CHRNA4: variants seen among roughly 807,000 people sequenced by gnomAD.
CHRNA4 encodes the protein neuronal acetylcholine receptor subunit alpha-4.
Under a neutral mutation model 48.9 loss-of-function variants are expected in CHRNA4, and 28 were observed. That is an observed-to-expected ratio of 0.57 (90% CI 0.42 to 0.79). The LOEUF (loss-of-function observed/expected upper bound fraction) is 0.79. CHRNA4 is among the 30% of genes least tolerant of loss of function. CHRNA4 has a pLI of 0.00. For synonymous variants in CHRNA4, 425 were observed against 402.3 expected (o/e 1.06, Z -0.68); for missense variants, 859 against 898.4 (o/e 0.96, Z 0.56).
chr20:63,359,907 G>GTGTGCGCGTGCCGGGCGTGCGC (rs2068786187), intron 1 of CHRNA4: 2 of 427,254 alleles, frequency 4.7e-6, no homozygotes, highest in South Asian at 5.0e-5. Flanking sequence ...CTGTGTGTGT[G>GTGTGCGCGTGCCGGGCGTGCGC]TGTGTGTGTG....
intron 1 of CHRNA4, chr20:63,360,188 G>A (rs1053728338): frequency 1.5e-5 from 3 of 205,414 alleles, no homozygotes; most frequent in South Asian, 1.7e-4. Context: ...AGCAAAGGAG[G>A]GAGTACAGGG....
intron 4 of CHRNA4, among the ~76,000 whole-genome samples, chr20:63,351,790 A>G (rs2068619882): frequency 6.6e-6 from 1 of 152,250 alleles, no homozygotes; most frequent in Non-Finnish European, 1.5e-5. Flanking sequence ...CCACAGGCCC[A>G]GGTGGGCAAC....
At position 63,349,930 on chromosome 20, in the gene CHRNA4, G is replaced by A; in HGVS notation, c.1481C>T (p.Pro494Leu). Residue 494 changes from proline (P) to leucine (L), a missense_variant, in exon 5 of 6, where the codon CCC (proline) becomes CTC (leucine). This residue lies in a region of CHRNA4 where 478 missense variants were observed against 455.4 expected (regional missense o/e 1.05). Coordinates refer to ENST00000370263, the MANE Select transcript of CHRNA4 (RefSeq NM_000744.7). ...CRSRSIQYCV[P>L]RDDAAPEADG... ...TGCCTCGGGGGCGGCATCGTCTCGG[G>A]GAACACAGTACTGGATGCTCCGAGA... is the stretch of plus-strand genomic sequence containing the variant. 1.3e-6 allele frequency: 2 copies of A among 1,591,112 alleles called. No homozygotes were observed. The highest frequency in any genetic ancestry group is 8.6e-7 in the Non-Finnish European group (1 of 1,168,348).
chr20:63,349,781 C>T lies in CHRNA4; in HGVS notation c.1630G>A (p.Ala544Thr), dbSNP rs540705031. 7 of 1,609,928 alleles carry T rather than the reference C, an allele frequency of 4.3e-6. No individual in the cohort carries two copies. The highest frequency in any genetic ancestry group is 1.7e-4 in the Middle Eastern group (1 of 6,052). The change falls in exon 5 of 6, where the codon GCC becomes ACC. Residue 544 changes from alanine (A) to threonine (T), a missense_variant. This residue lies in a region of CHRNA4 where 478 missense variants were observed against 455.4 expected (regional missense o/e 1.05). Coordinates refer to ENST00000370263, the MANE Select transcript of CHRNA4 (RefSeq NM_000744.7). ...TTGGTGCTGCGGGTCTTGACCGTGG[C>T]GCTCGGGGACACCGAAGAGGGCTCC... ...KKEPSSVSPS[A>T]TVKTRSTKAP...
Position 63,350,750 on chromosome 20 carries a change from T to C in CHRNA4, c.661A>G (p.Arg221Gly). Residue 221 changes from arginine to glycine, a missense_variant, in exon 5 of 6, where the codon AGG becomes GGG. Physicochemically the swap from Arg to Gly is moderately radical, Grantham distance 125 (BLOSUM62 -2). This residue lies in a region of CHRNA4 where 342 missense variants were observed against 365.3 expected (regional missense o/e 0.94). Coordinates refer to ENST00000370263, the MANE Select transcript of CHRNA4 (RefSeq NM_000744.7). Reference sequence around the variant, plus strand: ...ATCTCGGCACAGCACTCGTACTTCCTGGTGTTGTAGGTGCCCACGGCATCC... The same window carrying C: ...ATCTCGGCACAGCACTCGTACTTCCCGGTGTTGTAGGTGCCCACGGCATCC... The part of the protein sequence containing the change: ...IVDAVGTYNT[R>G]KYECCAEIYP... The C allele has an allele frequency of 1.3e-6, 2 of 1,557,878 alleles. No individual in the cohort carries two copies. The highest frequency in any genetic ancestry group is 1.7e-6 in the Non-Finnish European group (2 of 1,154,718).
rs753598324 is a variant in CHRNA4 at position 63,350,042 on chromosome 20, C to G, written c.1369G>C (p.Ala457Pro). The G allele has an allele frequency of 4.0e-6, 6 of 1,515,640 alleles. No individual in the cohort carries two copies. The African/African-American group carries it at 6.9e-5, about 17-fold the overall frequency. The allele number at this position is 1,515,640 out of a possible 1,614,324, so 93.9% of individuals were successfully genotyped here. A position where few individuals can be genotyped will look rare whatever the true frequency, so the allele number is the denominator to read the frequency against. ...GPCRPPHGTQ[A>P]PGLAKARSLS... is the part of the protein sequence containing the mutation. ...GACCTGGCTTTGGCCAGCCCTGGTGCCTGGGTGCCGTGGGGCGGGCGGCAG... is the reference window on the plus strand; with the variant it reads ...GACCTGGCTTTGGCCAGCCCTGGTGGCTGGGTGCCGTGGGGCGGGCGGCAG... Residue 457 changes from alanine to proline, a missense_variant, in exon 5 of 6, where the codon GCA (alanine) becomes CCA (proline). Physicochemically the swap from Ala to Pro is conservative, Grantham distance 27 (BLOSUM62 -1). Around this residue, in one of 3 missense-constraint regions of CHRNA4, gnomAD observed 478 missense variants for 455.4 expected, o/e 1.05. Transcript: ENST00000370263.
In CHRNA4 at chr20:63,361,080, C is replaced by T. The variant is rs2145412202; in HGVS notation, c.76+10G>A. ...GCGAAAGGGGGCCCATCCCGCGCCCCGTAACTTACCGCGCAGGAGGCCGGT... is the reference window on the plus strand; with the variant it reads ...GCGAAAGGGGGCCCATCCCGCGCCCTGTAACTTACCGCGCAGGAGGCCGGT... On this transcript the variant is annotated intron_variant, in intron 1 of 5. Coordinates refer to ENST00000370263, the MANE Select transcript of CHRNA4 (RefSeq NM_000744.7). The T allele has an allele frequency of 1.4e-6, 2 of 1,456,828 alleles. No homozygotes were observed. Among genetic ancestry groups the T allele is most frequent in the African/African-American group, 1.5e-5 (1 of 67,912 alleles). The allele number at this position is 1,456,828 out of a possible 1,614,324, so 90.2% of individuals were successfully genotyped here. A position where few individuals can be genotyped will look rare whatever the true frequency, so the allele number is the denominator to read the frequency against.
Position 63,361,209 on chromosome 20 carries a change from TC to T in CHRNA4, c.-45del. 6.9e-7 allele frequency: 1 copy of T among 1,448,496 alleles called. No homozygotes were observed. The highest frequency in any genetic ancestry group is 9.1e-7 in the Non-Finnish European group (1 of 1,103,764). 89.7% of individuals were successfully genotyped at this position (1,448,496 alleles called of 1,614,324 possible). On this transcript the variant is annotated 5_prime_UTR_variant, in exon 1 of 6. It removes the in-frame stop codon of an upstream open reading frame in the 5' UTR. Transcript: ENST00000370263. ...GCTCTAGATGCGGGCGGCTCCCGGC[TC>T]CCCGCCGCTTCGAGGCCCGTGCGCG...
At chr20:63,349,401 C>T in intron 5 of CHRNA4, 1 of 590,630 alleles carries the variant, frequency 1.7e-6, no homozygotes, top group Non-Finnish European at 3.0e-6. Context: ...CCCACTGTGT[C>T]CCAAAGCCAG....
Position 63,345,361 on chromosome 20 carries a change from C to T in CHRNA4, c.*1377G>A, listed in dbSNP as rs933249862. 23 of 444,110 alleles carry T rather than the reference C, an allele frequency of 5.2e-5. No individual in the cohort carries two copies. Among genetic ancestry groups the T allele is most frequent in the Non-Finnish European group, 7.7e-5 (17 of 220,452 alleles). 27.5% of individuals were successfully genotyped at this position (444,110 alleles called of 1,614,324 possible). On this transcript the variant is annotated 3_prime_UTR_variant, in exon 6 of 6. Transcript: ENST00000370263. The surrounding 1 kb of genome is among the most constrained non-coding windows in gnomAD (Gnocchi z 5.4). ...CGATGTCACTCACAGGCAGGGGACA[C>T]GCCATCCTGGCCCCGCCCCTCTGGG...
In CHRNA4 at chr20:63,346,610, G is replaced by T; in HGVS notation, c.*128C>A. On this transcript the variant is annotated 3_prime_UTR_variant, in exon 6 of 6. Coordinates refer to ENST00000370263, the MANE Select transcript of CHRNA4 (RefSeq NM_000744.7). ...GCCGTCTTACAGCAGACACAGAACAGGAAGGAAAATTTGGCAAACGTGTGG... is the reference window on the plus strand; with the variant it reads ...GCCGTCTTACAGCAGACACAGAACATGAAGGAAAATTTGGCAAACGTGTGG... The T allele has an allele frequency of 7.4e-7, 1 of 1,355,166 alleles. No homozygotes were observed. The highest frequency in any genetic ancestry group is 1.0e-6 in the Non-Finnish European group (1 of 984,564). The allele number at this position is 1,355,166 out of a possible 1,614,324, so 83.9% of individuals were successfully genotyped here.
intron 2 of CHRNA4, 138 bp downstream of exon 2, chr20:63,359,410 T>C (rs1655396208): frequency 2.7e-6 from 3 of 1,131,000 alleles, no homozygotes; most frequent in Non-Finnish European, 2.6e-6. Context: ...GTGGCTGTCG[T>C]TCTGACGTAC....
Position 63,349,652 on chromosome 20 carries a change from C to T in CHRNA4, c.1758+1G>A. Reference sequence around the variant, plus strand: ...CCAACACAGCCATGGGCGGGACTTACCGAGAAGTCTGTGTCTTCGGCCTTC... The same window carrying T: ...CCAACACAGCCATGGGCGGGACTTATCGAGAAGTCTGTGTCTTCGGCCTTC... On this transcript the variant is annotated splice_donor_variant, in intron 5 of 5. Transcript: ENST00000370263. LOFTEE classifies it high-confidence loss of function. 2 of 1,612,800 alleles carry T rather than the reference C, an allele frequency of 1.2e-6. No homozygotes were observed. The highest frequency in any genetic ancestry group is 1.7e-6 in the Non-Finnish European group (2 of 1,179,888).
In CHRNA4 at chr20:63,350,057, G is replaced by A. The variant is rs199914663; in HGVS notation, c.1354C>T (p.Pro452Ser). The part of the protein sequence containing the change: ...PHPSPGPCRP[P>S]HGTQAPGLAK... ...AGCCCTGGTGCCTGGGTGCCGTGGGGCGGGCGGCAGGGTCCAGGCGAGGGG... is the reference window on the plus strand; with the variant it reads ...AGCCCTGGTGCCTGGGTGCCGTGGGACGGGCGGCAGGGTCCAGGCGAGGGG... Residue 452 changes from proline to serine, a missense_variant, in exon 5 of 6, where the codon CCC (proline) becomes TCC (serine). Pro to Ser is a moderately conservative substitution (Grantham distance 74). Coordinates refer to ENST00000370263, the MANE Select transcript of CHRNA4 (RefSeq NM_000744.7). The A allele has an allele frequency of 5.3e-6, 8 of 1,511,996 alleles. No homozygotes were observed. The highest frequency in any genetic ancestry group is 4.0e-5 in the South Asian group (3 of 75,764). 93.7% of individuals were successfully genotyped at this position (1,511,996 alleles called of 1,614,324 possible).
chr20:63,350,997 C>T lies in CHRNA4; in HGVS notation c.414G>A (p.Leu138=), dbSNP rs769287364. The T allele has an allele frequency of 3.7e-5, 59 of 1,613,532 alleles. No individual in the cohort carries two copies. In the East Asian group the frequency reaches 1.3e-3, roughly 35 times the overall value. The change falls in exon 5 of 6, where the codon CTG becomes CTA. Residue 138 remains leucine (L), a synonymous_variant. Coordinates refer to ENST00000370263, the MANE Select transcript of CHRNA4 (RefSeq NM_000744.7). ...NADGDFAVTH[L]TKAHLFHDGR... is the part of the protein sequence containing the mutation. ...CGTCATGGAACAGGTGGGCCTTGGT[C>T]AGGTGGGTGACCGCGAAGTCCCCGT... is the stretch of plus-strand genomic sequence containing the variant.
In CHRNA4 at chr20:63,344,170, C is replaced by A. The variant is rs199961012; in HGVS notation, c.*2568G>T. On this transcript the variant is annotated 3_prime_UTR_variant, in exon 6 of 6. Transcript: ENST00000370263. This position sits in a 1 kb window ranked among gnomAD's most constrained non-coding sequence, Gnocchi z 4.5. ...GGAGCTACGGACACACACAACAGCA[C>A]GGATGAAGCTCTAAGTCATAGGATG... The A allele has an allele frequency of 8.8e-6, 4 of 453,946 alleles. No homozygotes were observed. The highest frequency in any genetic ancestry group is 4.7e-5 in the Admixed American group (2 of 42,552). The allele number at this position is 453,946 out of a possible 1,614,324, so 28.1% of individuals were successfully genotyped here.
Position 63,346,490 on chromosome 20 carries a change from C to T in CHRNA4, c.*248G>A, listed in dbSNP as rs201423155. 2.4e-5 allele frequency: 16 copies of T among 673,146 alleles called. No homozygotes were observed. The highest frequency in any genetic ancestry group is 2.3e-4 in the African/African-American group (13 of 56,648). The allele number at this position is 673,146 out of a possible 1,614,324, so 41.7% of individuals were successfully genotyped here. On this transcript the variant is annotated 3_prime_UTR_variant, in exon 6 of 6. Transcript: ENST00000370263. The stretch of plus-strand genomic sequence containing the variant: ...GTCCTGCAGGTAGAAGGCGCCGACC[C>T]CCACCTCTGCTCCAAGCCACTGCCT...
chr20:63,355,959 G>C lies in CHRNA4; in HGVS notation c.383+16C>G. The C allele has an allele frequency of 1.2e-6, 2 of 1,611,264 alleles. No individual in the cohort carries two copies. Among genetic ancestry groups the C allele is most frequent in the Non-Finnish European group, 1.7e-6 (2 of 1,179,250 alleles). On this transcript the variant is annotated intron_variant, in intron 4 of 5. Coordinates refer to ENST00000370263, the MANE Select transcript of CHRNA4 (RefSeq NM_000744.7). Reference sequence around the variant, plus strand: ...CCAAGGCCCTGTAGAGGACTCACTTGTTGTAGAGGACTCACTTGTTGTAGA... The same window carrying C: ...CCAAGGCCCTGTAGAGGACTCACTTCTTGTAGAGGACTCACTTGTTGTAGA...
intron 5 of CHRNA4, 89 bp downstream of exon 5, chr20:63,349,564 C>G (rs924842144): frequency 1.9e-6 from 3 of 1,539,308 alleles, no homozygotes; most frequent in African/African-American, 1.4e-5. Flanking sequence ...GGCCTGGGCC[C>G]GGCTCCTGGA....
Sources: gnomAD v4.1 joint callset for allele counts (sites outside exome capture counted in the v4.1 genomes callset) on GRCh38, gnomAD v4.1.1 for gene constraint, gnomAD v4.1.1 regional missense constraint, Gnocchi (gnomAD v3.1) non-coding constraint, MANE v1.5 for transcripts, NCBI Gene and HGNC (gene_info 2026-07-23, HGNC 2026-07-21) for gene names.